The following USP12 variants were observed in gnomAD, a reference collection of about 807,000 sequenced individuals.
The protein encoded by USP12 is ubiquitin specific peptidase 12.
USP12 carries 19 observed loss-of-function variants against 45.5 expected under a neutral mutation model. The ratio of observed to expected loss-of-function variants is 0.42; its 90% CI spans 0.29 to 0.61. The LOEUF is 0.61. Ranked by LOEUF, USP12 falls within the 20% of genes least tolerant of loss-of-function variation. The pLI is 0.22. For synonymous variants in USP12, 149 were observed against 148.8 expected, an observed-to-expected ratio of 1.00 and a Z score of -0.01; for missense variants, 242 against 447.7, an observed-to-expected ratio of 0.54 and a Z score of 4.15.
intron 6 of USP12, among the ~76,000 whole-genome samples, chr13:27,082,618 G>A (rs1055941148): frequency 6.6e-6 from 1 of 152,216 alleles, no homozygotes; most frequent in Admixed American, 6.5e-5. Context: ...CTTTCAACGT[G>A]CCCTATTCAT....
chr13:27,076,247 A>G (rs1402799796), intron 6 of USP12, among the ~76,000 whole-genome samples: 9 of 152,216 alleles, frequency 5.9e-5, no homozygotes, highest in African/African-American at 2.2e-4. Context: ...ATGACAATGT[A>G]TATCCTAGAA....
At chr13:27,156,922 A>C (rs1371280670) in intron 1 of USP12, among the ~76,000 whole-genome samples, 5 of 152,208 alleles carry the variant, frequency 3.3e-5, no homozygotes, top group Non-Finnish European at 5.9e-5. Context: ...CCGGCGGCAA[A>C]AGCACTAGAC....
chr13:27,145,434 AAATC>A (rs1474708093), intron 1 of USP12, among the ~76,000 whole-genome samples: 1 of 152,228 alleles, frequency 6.6e-6, no homozygotes, highest in African/African-American at 2.4e-5. Flanking sequence ...TCATCTTTAG[AAATC>A]AATCAGTTAG....
intron 2 of USP12, among the ~76,000 whole-genome samples, chr13:27,110,148 G>T (rs1055825605): frequency 1.1e-4 from 10 of 87,348 alleles, no homozygotes; most frequent in African/African-American, 3.6e-4. Flanking sequence ...AAAAAAAAAG[G>T]ATAAGTGGAA....
At chr13:27,070,979 C>A (rs1873223580) in intron 8 of USP12, 92 bp downstream of exon 8, 2 of 1,021,542 alleles carry the variant, frequency 2.0e-6, no homozygotes, top group Non-Finnish European at 2.9e-6. Context: ...CATATCATCA[C>A]CAGTCATATA....
chr13:27,111,606 C>T (rs1245132683), intron 2 of USP12, among the ~76,000 whole-genome samples: 2 of 152,168 alleles, frequency 1.3e-5, no homozygotes, highest in East Asian at 3.8e-4. Flanking sequence ...CAAACCTTAA[C>T]AAACATCCCA....
At chr13:27,133,612 G>A (rs1055686573) in intron 1 of USP12, among the ~76,000 whole-genome samples, 3 of 130,984 alleles carry the variant, frequency 2.3e-5, no homozygotes, top group African/African-American at 8.9e-5. Flanking sequence ...CTGCGACAGA[G>A]CAAGACTCTG....
At chr13:27,098,842 G>A (rs529983222) in intron 3 of USP12, among the ~76,000 whole-genome samples, 4 of 152,094 alleles carry the variant, frequency 2.6e-5, no homozygotes, top group East Asian at 3.8e-4. Context: ...GCTGGGCAAC[G>A]GTTAAAATGG....
chr13:27,137,918 C>T (rs1009766671), intron 1 of USP12, among the ~76,000 whole-genome samples: 2 of 152,250 alleles, frequency 1.3e-5, no homozygotes, highest in Non-Finnish European at 2.9e-5. Flanking sequence ...GGCGAGGAAC[C>T]GTAGGCGGCC....
chr13:27,090,205 C>T (rs755182309), intron 4 of USP12, 47 bp from the exon 5 acceptor site: 4 of 1,441,486 alleles, frequency 2.8e-6, no homozygotes, highest in Middle Eastern at 2.5e-4. Context: ...TACTAGTAAA[C>T]CACAGTTCCC....
At chr13:27,099,140 GGGT>G (rs1874735464) in intron 3 of USP12, among the ~76,000 whole-genome samples, 1 of 152,186 alleles carries the variant, frequency 6.6e-6, no homozygotes, top group Non-Finnish European at 1.5e-5. Flanking sequence ...GCATAGAAAA[GGGT>G]TTTTGGTAGC....
chr13:27,069,819 T>G (rs1475458922), intron 8 of USP12, among the ~76,000 whole-genome samples: 2 of 152,120 alleles, frequency 1.3e-5, no homozygotes, highest in East Asian at 3.9e-4. Context: ...TGTTGGCGCA[T>G]GCCTGTAATC....
At chr13:27,101,899 A>C (rs1012843201) in intron 3 of USP12, among the ~76,000 whole-genome samples, 1 of 152,236 alleles carries the variant, frequency 6.6e-6, no homozygotes, top group Non-Finnish European at 1.5e-5. Flanking sequence ...TCTCCACGGC[A>C]CATGAAACGC....
At chr13:27,170,585 C>T (rs529132686) in intron 1 of USP12, among the ~76,000 whole-genome samples, 1 of 152,210 alleles carries the variant, frequency 6.6e-6, no homozygotes, top group African/African-American at 2.4e-5. Flanking sequence ...AACTGTGGTC[C>T]TTCTGGCCAC....
chr13:27,129,952 CAA>C lies in USP12; in HGVS notation c.49-13358_49-13357del, dbSNP rs1304219379. ...AAGCTCCCAGGGTTAGTCCTTCCAC[CAA>C]AACCATTAAGCTGAAAAATACATCA... On this transcript the variant is annotated intron_variant, in intron 1 of 8. Coordinates refer to ENST00000282344, the MANE Select transcript of USP12 (RefSeq NM_182488.4). The surrounding 1 kb of genome is among the most constrained non-coding windows in gnomAD (Gnocchi z 4.0). 6.6e-6 allele frequency among the ~76,000 whole-genome samples: 1 copy of C among 152,080 alleles called. No homozygotes were observed. Among genetic ancestry groups the C allele is most frequent in the East Asian group, 1.9e-4 (1 of 5,202 alleles).
At chr13:27,078,635 C>T (rs1425171960) in intron 6 of USP12, among the ~76,000 whole-genome samples, 2 of 151,080 alleles carry the variant, frequency 1.3e-5, no homozygotes, top group Non-Finnish European at 2.9e-5. Flanking sequence ...ACAAAGCATA[C>T]AAGATAAGGA....
chr13:27,161,959 G>A (rs1385460810), intron 1 of USP12, among the ~76,000 whole-genome samples: 1 of 151,548 alleles, frequency 6.6e-6, no homozygotes, highest in Non-Finnish European at 1.5e-5. Context: ...AGATTTTAAG[G>A]GTAATCTAAA....
chr13:27,087,350 A>C (rs957365523), intron 6 of USP12, among the ~76,000 whole-genome samples: 7 of 152,186 alleles, frequency 4.6e-5, no homozygotes, highest in Non-Finnish European at 1.0e-4. Flanking sequence ...GGGTTACCTA[A>C]AGGTGCAATG....
At chr13:27,080,674 G>A (rs1001196380) in intron 6 of USP12, among the ~76,000 whole-genome samples, 3 of 152,130 alleles carry the variant, frequency 2.0e-5, no homozygotes, top group Non-Finnish European at 4.4e-5. Context: ...AGAAATACAG[G>A]CATATCTTGG....
Sources: gnomAD v4.1 joint callset for allele counts (sites outside exome capture counted in the v4.1 genomes callset) on GRCh38, gnomAD v4.1.1 for gene constraint, Gnocchi (gnomAD v3.1) non-coding constraint, MANE v1.5 for transcripts, NCBI Gene and HGNC (gene_info 2026-07-23, HGNC 2026-07-21) for gene names.